Variants in RYR3 observed in about 807,000 individuals in gnomAD.
RYR3 encodes the protein ryanodine receptor 3.
RYR3 carries 207 observed loss-of-function variants against 584.3 expected under a neutral mutation model. The ratio of observed to expected loss-of-function variants is 0.35; its 90% CI spans 0.32 to 0.40. The LOEUF is 0.40. Ranked by LOEUF, RYR3 falls within the 10% of genes least tolerant of loss-of-function variation. RYR3 has a pLI of 1.00. For synonymous variants in RYR3, 2,416 were observed against 2,248.5 expected, an observed-to-expected ratio of 1.07 and a Z score of -2.11; for missense variants, 5,616 against 6,089.2, an observed-to-expected ratio of 0.92 and a Z score of 2.59.
rs77176393 is a variant in RYR3 at position 33,475,314 on chromosome 15, C to A, written c.171+1776C>A. Among the ~76,000 whole-genome samples, 8 of 152,282 alleles carry A rather than the reference C, an allele frequency of 5.3e-5. No homozygotes were observed. In the East Asian group the frequency reaches 1.5e-3, roughly 29 times the overall value. On this transcript the variant is annotated intron_variant, in intron 2 of 103. Coordinates refer to ENST00000634891, the MANE Select transcript of RYR3 (RefSeq NM_001036.6). Reference sequence around the variant, plus strand: ...TAGGGTATAGGGCAGTGCTTTAGGGCAGCAGTTCCCAACCTTTTTGGCACC... The same window carrying A: ...TAGGGTATAGGGCAGTGCTTTAGGGAAGCAGTTCCCAACCTTTTTGGCACC...
intron 1 of RYR3, among the ~76,000 whole-genome samples, chr15:33,391,510 C>T (rs1330923280): frequency 6.6e-6 from 1 of 151,762 alleles, no homozygotes; most frequent in East Asian, 1.9e-4. Context: ...CCTGTAGTCC[C>T]AGCTGTTCAG....
intron 1 of RYR3, among the ~76,000 whole-genome samples, chr15:33,339,889 A>C (rs75040096): frequency 1.2e-4 from 2 of 16,058 alleles, no homozygotes; most frequent in African/African-American, 4.4e-4. Context: ...ACTCCGTCTC[A>C]AAAAAAAAAA....
At chr15:33,339,292 A>T (rs754830066) in intron 1 of RYR3, among the ~76,000 whole-genome samples, 4 of 152,186 alleles carry the variant, frequency 2.6e-5, no homozygotes, top group Non-Finnish European at 4.4e-5. Context: ...GCTCACGGAG[A>T]GCTCTTTCTG....
intron 8 of RYR3, among the ~76,000 whole-genome samples, chr15:33,547,613 A>G (rs1279212237): frequency 6.6e-6 from 1 of 152,260 alleles, no homozygotes; most frequent in East Asian, 1.9e-4. Flanking sequence ...AAAGGAAGCA[A>G]CAGTACAGTA....
intron 43 of RYR3, among the ~76,000 whole-genome samples, chr15:33,715,384 G>T (rs938812302): frequency 6.6e-6 from 1 of 152,118 alleles, no homozygotes; most frequent in Non-Finnish European, 1.5e-5. Context: ...TTAACCAATG[G>T]CAAAAGATTT....
intron 2 of RYR3, among the ~76,000 whole-genome samples, chr15:33,474,405 C>G (rs1400884453): frequency 6.6e-6 from 1 of 152,178 alleles, no homozygotes; most frequent in Non-Finnish European, 1.5e-5. Flanking sequence ...GCTGGAAACT[C>G]AGGCAGGAGT....
At chr15:33,766,667 A>C (rs1184188775) in intron 60 of RYR3, among the ~76,000 whole-genome samples, 1 of 152,218 alleles carries the variant, frequency 6.6e-6, no homozygotes, top group African/African-American at 2.4e-5. Flanking sequence ...ATAGCTTTCA[A>C]ATCCATCAGT....
intron 19 of RYR3, among the ~76,000 whole-genome samples, chr15:33,623,299 T>C (rs1435898461): frequency 6.6e-6 from 1 of 152,242 alleles, no homozygotes; most frequent in African/African-American, 2.4e-5. Flanking sequence ...TTGTGATTAA[T>C]ACTCTGATGT....
intron 4 of RYR3, among the ~76,000 whole-genome samples, chr15:33,531,641 A>G (rs939834317): frequency 1.9e-5 from 2 of 103,928 alleles, no homozygotes; most frequent in Admixed American, 1.2e-4. Flanking sequence ...GCATATATAT[A>G]TATATATTTT....
chr15:33,531,763 G>A (rs193025847), intron 4 of RYR3, among the ~76,000 whole-genome samples: 44 of 152,124 alleles, frequency 2.9e-4, no homozygotes, highest in African/African-American at 1.1e-3. Flanking sequence ...GTGTATCCAA[G>A]TAGGAGATGG....
chr15:33,853,532 C>T lies in RYR3; in HGVS notation c.13672-23C>T, dbSNP rs752084545. On this transcript the variant is annotated intron_variant, in intron 95 of 103. Coordinates refer to ENST00000634891, the MANE Select transcript of RYR3 (RefSeq NM_001036.6). ...TTGGTGGTGGCGTGTGGCCTGAGCT[C>T]ACCCTGTCATCCTTTGCTTCAGGTG... is the stretch of plus-strand genomic sequence containing the variant. 13 of 1,611,334 alleles carry T rather than the reference C, an allele frequency of 8.1e-6. No homozygotes were observed. In the South Asian group the frequency reaches 8.8e-5, roughly 11 times the overall value.
chr15:33,403,455 G>A (rs898950371), intron 1 of RYR3, among the ~76,000 whole-genome samples: 2 of 152,142 alleles, frequency 1.3e-5, no homozygotes, highest in Non-Finnish European at 2.9e-5. Context: ...TTGAGTAATC[G>A]GAGATGAATT....
At chr15:33,453,801 A>C (rs1170049818) in intron 1 of RYR3, among the ~76,000 whole-genome samples, 1 of 151,630 alleles carries the variant, frequency 6.6e-6, no homozygotes, top group Non-Finnish European at 1.5e-5. Context: ...TTTTCATATG[A>C]AAAAAAAGTT....
intron 43 of RYR3, among the ~76,000 whole-genome samples, chr15:33,707,587 T>G (rs1285989471): frequency 4.6e-5 from 7 of 152,252 alleles, no homozygotes; most frequent in African/African-American, 1.7e-4. Context: ...ACCAGAATTC[T>G]TTAGTTGCTC....
intron 1 of RYR3, among the ~76,000 whole-genome samples, chr15:33,413,721 C>A (rs2043576648): frequency 6.6e-6 from 1 of 152,214 alleles, no homozygotes; most frequent in Admixed American, 6.5e-5. Context: ...GTCCTGTTCC[C>A]CCCCGCTCAG....
intron 30 of RYR3, among the ~76,000 whole-genome samples, chr15:33,648,580 C>G (rs1418768396): frequency 6.6e-6 from 1 of 152,190 alleles, no homozygotes; most frequent in African/African-American, 2.4e-5. Context: ...CAACCTCTTT[C>G]AAGACTTTCC....
intron 16 of RYR3, among the ~76,000 whole-genome samples, chr15:33,593,099 T>G (rs1267531507): frequency 6.6e-6 from 1 of 152,204 alleles, no homozygotes; most frequent in Non-Finnish European, 1.5e-5. Flanking sequence ...GAGTTTGTGA[T>G]TAGCATCTCC....
Position 33,818,630 on chromosome 15 carries a change from AC to A in RYR3, c.10655del (p.Pro3552HisfsTer32). ...EEEEETEKQP[D>X]PLHQIILYFS... ...GAGGAAGAGACAGAAAAACAACCTG[AC>A]CCACTACATCAGATCATTCTCTATT... On this transcript the variant is annotated frameshift_variant, in exon 76 of 104. Transcript: ENST00000634891. LOFTEE classifies it high-confidence loss of function. 1 of 1,613,974 alleles carries A rather than the reference AC, an allele frequency of 6.2e-7. No homozygotes were observed. The highest frequency in any genetic ancestry group is 8.5e-7 in the Non-Finnish European group (1 of 1,179,884).
chr15:33,454,915 G>C (rs549955008), intron 1 of RYR3, among the ~76,000 whole-genome samples: 10 of 152,282 alleles, frequency 6.6e-5, no homozygotes, highest in Admixed American at 1.3e-4. Flanking sequence ...TATAAAACCT[G>C]AACGTTATTG....
Sources: allele counts gnomAD v4.1 joint callset (sites outside exome capture counted in the v4.1 genomes callset), GRCh38; gene constraint gnomAD v4.1.1; transcripts MANE v1.5; gene names NCBI Gene and HGNC (gene_info 2026-07-23, HGNC 2026-07-21).